The following GLI2 variants were observed in gnomAD, a reference collection of about 807,000 sequenced individuals.
The protein encoded by GLI2 is transcription activator GLI2.
GLI2 carries 22 observed loss-of-function variants against 78.9 expected under a neutral mutation model. That is an observed-to-expected ratio of 0.28 (90% confidence interval 0.20 to 0.40). The LOEUF is 0.40. Among genes scored for constraint, GLI2 ranks in the 10% least tolerant of loss-of-function variants. The pLI is 1.00. For synonymous variants in GLI2, 974 were observed against 963.7 expected, an observed-to-expected ratio of 1.01 and a Z score of -0.20; for missense variants, 2,097 against 2,213.2, an observed-to-expected ratio of 0.95 and a Z score of 1.05.
intron 2 of GLI2, among the ~76,000 whole-genome samples, chr2:120,847,065 T>C (rs967656788): frequency 5.3e-5 from 8 of 151,840 alleles, no homozygotes; most frequent in Admixed American, 5.2e-4. Context: ...CTTTCCTTGC[T>C]TCTCGGGGGC....
At chr2:120,823,538 C>T (rs1242864202) in intron 2 of GLI2, among the ~76,000 whole-genome samples, 5 of 152,216 alleles carry the variant, frequency 3.3e-5, no homozygotes, top group African/African-American at 1.2e-4. Flanking sequence ...AGTGATGTGA[C>T]ATTCTTTCTG....
At chr2:120,829,056 T>A (rs534937817) in intron 2 of GLI2, among the ~76,000 whole-genome samples, 19 of 150,932 alleles carry the variant, frequency 1.3e-4, no homozygotes, top group Admixed American at 1.1e-3. Flanking sequence ...ATGCTCACAG[T>A]CACACACGTA....
At chr2:120,910,615 T>A (rs1678769063) in intron 2 of GLI2, among the ~76,000 whole-genome samples, 1 of 152,172 alleles carries the variant, frequency 6.6e-6, no homozygotes, top group African/African-American at 2.4e-5. Flanking sequence ...AGCAGCATGC[T>A]AACAACCAGC....
intron 1 of GLI2, among the ~76,000 whole-genome samples, chr2:120,767,128 T>C (rs536757011): frequency 1.3e-5 from 2 of 152,294 alleles, no homozygotes; most frequent in Admixed American, 6.5e-5. Flanking sequence ...TCTACGTAAC[T>C]TGTTCTTTCC....
chr2:120,841,848 G>GGGGTGTGTGTGTGTGTGT (rs1553455507), intron 2 of GLI2, among the ~76,000 whole-genome samples: 18 of 132,684 alleles, frequency 1.4e-4, no homozygotes, highest in Admixed American at 2.2e-4. Context: ...CAGTCTGGAG[G>GGGGTGTGTGTGTGTGTGT]GTGTGTGTGT....
intron 2 of GLI2, among the ~76,000 whole-genome samples, chr2:120,889,426 G>T (rs1253709242): frequency 6.6e-6 from 1 of 152,148 alleles, no homozygotes; most frequent in Non-Finnish European, 1.5e-5. Context: ...TTCAGGCCAG[G>T]CACAGGACTC....
intron 9 of GLI2, among the ~76,000 whole-genome samples, chr2:120,978,013 C>A (rs550994104): frequency 1.3e-5 from 2 of 152,248 alleles, no homozygotes; most frequent in Non-Finnish European, 2.9e-5. Flanking sequence ...ACGTTTGCCT[C>A]GCTGCGGTTA....
chr2:120,789,499 C>G (rs17390009), intron 1 of GLI2, among the ~76,000 whole-genome samples: 21,448 of 152,188 alleles, frequency 0.14, 1,568 homozygotes, highest in Middle Eastern at 0.21. Context: ...ACAGGGCAGA[C>G]TGGATGGTCA....
chr2:120,768,373 A>G (rs1216996876), intron 1 of GLI2, among the ~76,000 whole-genome samples: 1 of 152,148 alleles, frequency 6.6e-6, no homozygotes, highest in East Asian at 1.9e-4. Flanking sequence ...GGGACTTTCC[A>G]TGGGAAGGTG....
At chr2:120,766,498 A>G (rs187681633) in intron 1 of GLI2, among the ~76,000 whole-genome samples, 1 of 152,304 alleles carries the variant, frequency 6.6e-6, no homozygotes, top group East Asian at 1.9e-4. Flanking sequence ...AAGAAAAGTC[A>G]GTGGTCAGGA....
chr2:120,927,077 T>G (rs956940530), intron 2 of GLI2, among the ~76,000 whole-genome samples: 3 of 152,252 alleles, frequency 2.0e-5, no homozygotes, highest in Admixed American at 6.5e-5. Flanking sequence ...AGCCCAGTTT[T>G]GTGGCCCTGC....
At chr2:120,934,366 G>T in intron 3 of GLI2, among the ~76,000 whole-genome samples, 1 of 152,184 alleles carries the variant, frequency 6.6e-6, no homozygotes, top group East Asian at 1.9e-4. Context: ...CAGTATCTCA[G>T]CCTTCCTTTC....
intron 2 of GLI2, among the ~76,000 whole-genome samples, chr2:120,851,645 G>T (rs1687412479): frequency 6.6e-6 from 1 of 152,236 alleles, no homozygotes; most frequent in Non-Finnish European, 1.5e-5. Context: ...CACCAGGGAG[G>T]TCTTCACACT....
At chr2:120,776,504 A>G (rs1046123261) in intron 1 of GLI2, among the ~76,000 whole-genome samples, 4 of 151,968 alleles carry the variant, frequency 2.6e-5, no homozygotes, top group Admixed American at 2.0e-4. Context: ...CTCTGCCTCG[A>G]GCCCTTTCCT....
intron 2 of GLI2, among the ~76,000 whole-genome samples, chr2:120,862,700 G>A (rs1023359581): frequency 6.6e-6 from 1 of 152,134 alleles, no homozygotes; most frequent in South Asian, 2.1e-4. Context: ...ATTCATTATC[G>A]CTTCACTGGT....
rs75138744 is a variant in GLI2 at position 120,786,294 on chromosome 2, T to C, written c.-30-10997T>C. 2.1e-3 allele frequency among the ~76,000 whole-genome samples: 320 copies of C among 152,270 alleles called. 3 individuals carry two copies. Among genetic ancestry groups the C allele is most frequent in the East Asian group, 0.011 (57 of 5,164 alleles). Reference sequence around the variant, plus strand: ...GTCAGCCCAGCTCCTTTCTCAAGACTTTGAGACTTGGTGTCGGTTGGATCA... The same window carrying C: ...GTCAGCCCAGCTCCTTTCTCAAGACCTTGAGACTTGGTGTCGGTTGGATCA... On this transcript the variant is annotated intron_variant, in intron 1 of 13. Transcript: ENST00000361492.
At chr2:120,950,159 A>G (rs1002316866) in intron 3 of GLI2, among the ~76,000 whole-genome samples, 3 of 152,214 alleles carry the variant, frequency 2.0e-5, no homozygotes, top group Non-Finnish European at 4.4e-5. Flanking sequence ...TATGATCCCC[A>G]TTCCACAGAT....
At chr2:120,904,253 A>T (rs949407765) in intron 2 of GLI2, among the ~76,000 whole-genome samples, 1 of 152,206 alleles carries the variant, frequency 6.6e-6, no homozygotes, top group Non-Finnish European at 1.5e-5. Context: ...AGATGGCTGA[A>T]TCAGTTACTG....
chr2:120,933,861 GCC>G (rs1558894108), intron 3 of GLI2, among the ~76,000 whole-genome samples: 3 of 137,314 alleles, frequency 2.2e-5, no homozygotes, highest in African/African-American at 8.8e-5. Context: ...GCCCTGCCCT[GCC>G]CTGCCCTGCC....
Sources: allele counts gnomAD v4.1 joint callset (sites outside exome capture counted in the v4.1 genomes callset), GRCh38; gene constraint gnomAD v4.1.1; transcripts MANE v1.5; gene names NCBI Gene and HGNC (gene_info 2026-07-23, HGNC 2026-07-21).